Variants in PTPRG observed in about 807,000 individuals in gnomAD.
PTPRG encodes protein tyrosine phosphatase receptor type G.
A neutral mutation model predicts 165.3 loss-of-function variants in PTPRG; 102 were observed. That is an observed-to-expected ratio of 0.62 (90% CI 0.53 to 0.73). The LOEUF (loss-of-function observed/expected upper bound fraction) is 0.73, where lower values mean the gene tolerates loss of function less well. PTPRG is among the 30% of genes least tolerant of loss of function. The probability of loss-of-function intolerance (pLI) is 0.00; values close to 1 mark genes in which losing one functional copy is unlikely to be tolerated. For missense variants in PTPRG, 1,866 were observed against 1,861.4 expected (o/e 1.00, Z -0.05); for synonymous variants, 675 against 669.5 (o/e 1.01, Z -0.13).
chr3:61,595,873 T>C (rs994876042), intron 1 of PTPRG, among the ~76,000 whole-genome samples: 18 of 152,224 alleles, frequency 1.2e-4, no homozygotes, highest in African/African-American at 4.1e-4. Context: ...GTTTAAAGAA[T>C]AAGCAGCTAT....
chr3:61,741,849 A>G (rs996608519), intron 1 of PTPRG, among the ~76,000 whole-genome samples: 4 of 152,152 alleles, frequency 2.6e-5, no homozygotes, highest in African/African-American at 7.2e-5. Context: ...ACACAAATCT[A>G]TATGTAAATG....
chr3:61,695,281 G>A (rs1371735517), intron 1 of PTPRG, among the ~76,000 whole-genome samples: 1 of 152,200 alleles, frequency 6.6e-6, no homozygotes, highest in Non-Finnish European at 1.5e-5. Flanking sequence ...AAAGTGCTGG[G>A]ATTACAAGTG....
intron 14 of PTPRG, among the ~76,000 whole-genome samples, chr3:62,236,142 G>A (rs1465033554): frequency 6.6e-6 from 1 of 152,184 alleles, no homozygotes; most frequent in Non-Finnish European, 1.5e-5. Flanking sequence ...AAACTTAACA[G>A]CAAGTGAGTT....
At chr3:62,205,730 G>A (rs892485201) in intron 12 of PTPRG, among the ~76,000 whole-genome samples, 8 of 152,184 alleles carry the variant, frequency 5.3e-5, no homozygotes, top group African/African-American at 1.7e-4. Context: ...GGAGTGAGGG[G>A]GAGAGGAGGG....
At position 61,634,306 on chromosome 3, in the gene PTPRG, C is replaced by T. The variant is rs145311107; in HGVS notation, c.85+71934C>T. ...GGGCTGGAGTGCAGTGGTGCGATCT[C>T]GGCTCACTGCAGCCTCCGCCTCCCA... On this transcript the variant is annotated intron_variant, in intron 1 of 29. Coordinates refer to ENST00000474889, the MANE Select transcript of PTPRG (RefSeq NM_002841.4). Among the ~76,000 whole-genome samples, 158 of 152,056 alleles carry T rather than the reference C, an allele frequency of 1.0e-3. 2 individuals are homozygous for T. In the East Asian group the frequency reaches 0.019, roughly 18 times the overall value.
chr3:61,653,672 C>A (rs545819864), intron 1 of PTPRG, among the ~76,000 whole-genome samples: 1 of 152,076 alleles, frequency 6.6e-6, no homozygotes, highest in Non-Finnish European at 1.5e-5. Context: ...CGTGCCCTGC[C>A]ATTTTCTCAG....
intron 2 of PTPRG, among the ~76,000 whole-genome samples, chr3:61,971,206 C>A (rs2040373964): frequency 1.3e-5 from 2 of 152,152 alleles, no homozygotes; most frequent in South Asian, 2.1e-4. Context: ...CATCTGCCAA[C>A]CATGTCCGGC....
At chr3:62,289,551 T>G (rs1001583231) in intron 28 of PTPRG, among the ~76,000 whole-genome samples, 1 of 152,094 alleles carries the variant, frequency 6.6e-6, no homozygotes, top group African/African-American at 2.4e-5. Context: ...TTACACATCA[T>G]GAAAAACTTA....
chr3:61,840,080 A>C (rs2036580821), intron 2 of PTPRG, among the ~76,000 whole-genome samples: 1 of 152,192 alleles, frequency 6.6e-6, no homozygotes, highest in Non-Finnish European at 1.5e-5. Flanking sequence ...GCACATATAT[A>C]TTTAGATGTG....
At chr3:61,925,933 C>G (rs557579273) in intron 2 of PTPRG, 4 of 487,584 alleles carry the variant, frequency 8.2e-6, no homozygotes, top group Non-Finnish European at 1.6e-5. Context: ...CATAGGAACT[C>G]GAGCTCCTGG....
intron 5 of PTPRG, among the ~76,000 whole-genome samples, chr3:62,102,227 C>T (rs188977142): frequency 1.3e-5 from 2 of 152,014 alleles, no homozygotes; most frequent in East Asian, 1.9e-4. Context: ...TAACTGTTGC[C>T]GTGTTTGGAC....
intron 4 of PTPRG, among the ~76,000 whole-genome samples, chr3:62,054,575 G>A (rs911822909): frequency 6.6e-6 from 1 of 152,160 alleles, no homozygotes; most frequent in Non-Finnish European, 1.5e-5. Context: ...TCACCTGGTT[G>A]CCAGAGCAGA....
chr3:61,814,694 A>G (rs2035702091), intron 2 of PTPRG, among the ~76,000 whole-genome samples: 1 of 151,714 alleles, frequency 6.6e-6, no homozygotes. Flanking sequence ...TAACCTGTAT[A>G]AAAACTTGTG....
intron 4 of PTPRG, among the ~76,000 whole-genome samples, chr3:62,035,376 G>A (rs564417997): frequency 6.6e-6 from 1 of 152,324 alleles, no homozygotes; most frequent in Admixed American, 6.5e-5. Flanking sequence ...GGGGTGGGTT[G>A]GGGTGAGAAG....
rs1703096921 is a variant in PTPRG, at chr3:62,297,339, T to C, written c.*4032T>C. On this transcript the variant is annotated 3_prime_UTR_variant, in exon 30 of 30. Coordinates refer to ENST00000474889, the MANE Select transcript of PTPRG (RefSeq NM_002841.4). The stretch of plus-strand genomic sequence containing the variant: ...ATGTGTTATTTCTTTGAGGCAGTGA[T>C]TGTGAAAGTTGGGTTTTCTTTTTAA... 1 of 152,018 alleles carries C rather than the reference T, an allele frequency of 6.6e-6. No individual in the cohort carries two copies. The highest frequency in any genetic ancestry group is 2.4e-5 in the African/African-American group (1 of 41,426). 9.4% of individuals were successfully genotyped at this position (152,018 alleles called of 1,614,324 possible).
At chr3:61,780,995 T>A (rs2034529346) in intron 2 of PTPRG, among the ~76,000 whole-genome samples, 1 of 152,246 alleles carries the variant, frequency 6.6e-6, no homozygotes, top group Non-Finnish European at 1.5e-5. Flanking sequence ...ATTTTGGTAA[T>A]TATGTAGCTC....
At chr3:61,747,338 A>G (rs1294592237) in intron 1 of PTPRG, among the ~76,000 whole-genome samples, 2 of 152,240 alleles carry the variant, frequency 1.3e-5, no homozygotes, top group Non-Finnish European at 2.9e-5. Context: ...TTTGATGGAA[A>G]GAGGAAGGAT....
At chr3:61,950,134 A>G (rs2039865099) in intron 2 of PTPRG, among the ~76,000 whole-genome samples, 1 of 152,212 alleles carries the variant, frequency 6.6e-6, no homozygotes, top group Non-Finnish European at 1.5e-5. Flanking sequence ...ATAAAGTTTT[A>G]AAATACTTTG....
At chr3:62,046,782 G>A (rs1047470613) in intron 4 of PTPRG, among the ~76,000 whole-genome samples, 1 of 152,158 alleles carries the variant, frequency 6.6e-6, no homozygotes, top group African/African-American at 2.4e-5. Context: ...AAAGGTAGAT[G>A]TTTGTTATTT....
Sources: gnomAD v4.1 joint callset for allele counts (sites outside exome capture counted in the v4.1 genomes callset) on GRCh38, gnomAD v4.1.1 for gene constraint, MANE v1.5 for transcripts, NCBI Gene and HGNC (gene_info 2026-07-23, HGNC 2026-07-21) for gene names.